The following SLF2 variants were observed in gnomAD, a reference collection of about 807,000 sequenced individuals.
SLF2 encodes the protein SMC5/6 complex localization factor 2.
SLF2 carries 68 observed loss-of-function variants against 124.3 expected under a neutral mutation model. The ratio of observed to expected loss-of-function variants is 0.55; its 90% CI spans 0.45 to 0.67. SLF2 has a LOEUF of 0.67. Ranked by LOEUF, SLF2 falls within the 30% of genes least tolerant of loss-of-function variation. The pLI, the probability that SLF2 is intolerant of heterozygous loss-of-function variation, is 0.00. For synonymous variants in SLF2, 480 were observed against 478.8 expected (o/e 1.00, Z -0.03); for missense variants, 1,246 against 1,373.7 (o/e 0.91, Z 1.47).
chr10:100,919,497 T>C (rs1849486297), intron 4 of SLF2, among the ~76,000 whole-genome samples: 2 of 145,998 alleles, frequency 1.4e-5, no homozygotes, highest in Non-Finnish European at 1.5e-5. Context: ...TTTGTACTTT[T>C]AGCATTTATT....
intron 11 of SLF2, 108 bp downstream of exon 11, chr10:100,938,844 A>T (rs927585456): frequency 6.7e-6 from 7 of 1,047,344 alleles, no homozygotes; most frequent in Non-Finnish European, 9.2e-6. Context: ...AGATCTCTCA[A>T]AGTTGAGATC....
At chr10:100,944,406 A>G (rs1355490336) in intron 12 of SLF2, among the ~76,000 whole-genome samples, 1 of 150,710 alleles carries the variant, frequency 6.6e-6, no homozygotes, top group Non-Finnish European at 1.5e-5. Context: ...GAGGCAGGAG[A>G]ATGGCGTGAA....
At chr10:100,921,081 G>A (rs1849516826) in intron 4 of SLF2, among the ~76,000 whole-genome samples, 3 of 152,200 alleles carry the variant, frequency 2.0e-5, no homozygotes, top group African/African-American at 7.2e-5. Context: ...AGGGATTTCA[G>A]AAGTAATGTT....
At chr10:100,953,735 C>G (rs529516224) in intron 17 of SLF2, among the ~76,000 whole-genome samples, 68 of 152,194 alleles carry the variant, frequency 4.5e-4, no homozygotes, top group African/African-American at 1.6e-3. Context: ...TCACTGCAAC[C>G]TCCGTCTCTT....
At chr10:100,937,353 T>A in intron 9 of SLF2, 49 bp from the exon 10 acceptor site, 6 of 1,398,174 alleles carry the variant, frequency 4.3e-6, no homozygotes, top group Non-Finnish European at 6.1e-6. Flanking sequence ...TAATGAATGT[T>A]TGTGTTTTCT....
At chr10:100,921,955 A>G (rs1267681268) in intron 4 of SLF2, among the ~76,000 whole-genome samples, 1 of 152,262 alleles carries the variant, frequency 6.6e-6, no homozygotes, top group Non-Finnish European at 1.5e-5. Flanking sequence ...TATCTGTAAA[A>G]GAGCAGAGAT....
At chr10:100,953,909 C>T (rs1265380484) in intron 17 of SLF2, among the ~76,000 whole-genome samples, 1 of 152,056 alleles carries the variant, frequency 6.6e-6, no homozygotes, top group Non-Finnish European at 1.5e-5. Context: ...GCCTCAGCCT[C>T]CCAAAGTGCT....
At position 100,913,020 on chromosome 10, in the gene SLF2, G is replaced by A; in HGVS notation, c.-91G>A. ...AGGGGGTGCCGCCCACCTCTGCTCC[G>A]ACAGCCTCCCGGAGTCCCAGCAGCA... is the stretch of plus-strand genomic sequence containing the variant. On this transcript the variant is annotated 5_prime_UTR_variant, in exon 1 of 20. Coordinates refer to ENST00000238961, the MANE Select transcript of SLF2 (RefSeq NM_018121.4). 1.4e-6 allele frequency: 2 copies of A among 1,454,704 alleles called. No homozygotes were observed. The highest frequency in any genetic ancestry group is 1.9e-6 in the Non-Finnish European group (2 of 1,063,580). The allele number at this position is 1,454,704 out of a possible 1,614,324, so 90.1% of individuals were successfully genotyped here.
intron 1 of SLF2, chr10:100,913,968 C>A: frequency 1.3e-6 from 1 of 770,944 alleles, no homozygotes; most frequent in Non-Finnish European, 1.6e-6. Context: ...GTGGTACAGG[C>A]CCACAATCCC....
intron 1 of SLF2, chr10:100,913,730 C>T: frequency 1.0e-6 from 1 of 989,432 alleles, no homozygotes; most frequent in Non-Finnish European, 1.2e-6. Flanking sequence ...CTTAAAAGAA[C>T]TTGCAGATTT....
At chr10:100,952,101 G>A (rs980848731) in intron 17 of SLF2, among the ~76,000 whole-genome samples, 9 of 150,930 alleles carry the variant, frequency 6.0e-5, no homozygotes, top group East Asian at 2.0e-4. Context: ...AAAGTTAGCC[G>A]GGCGTGTTGG....
chr10:100,915,901 A>T (rs1269677676), intron 1 of SLF2, 98 bp from the exon 2 acceptor site: 1 of 972,480 alleles, frequency 1.0e-6, no homozygotes, highest in African/African-American at 1.6e-5. Flanking sequence ...CAAATAGTGA[A>T]ATCCAGCCTT....
intron 8 of SLF2, among the ~76,000 whole-genome samples, chr10:100,930,697 C>A (rs1288735940): frequency 1.2e-4 from 19 of 152,194 alleles, no homozygotes; most frequent in Admixed American, 1.2e-3. Context: ...AGTACTTCCC[C>A]AGTCTGAGAC....
Position 100,962,590 on chromosome 10 carries a change from G to A in SLF2, c.*678G>A, listed in dbSNP as rs919139291. 2.6e-5 allele frequency: 4 copies of A among 152,736 alleles called. No homozygotes were observed. In the East Asian group the frequency reaches 7.7e-4, roughly 29 times the overall value. The allele number at this position is 152,736 out of a possible 1,614,324, so 9.5% of individuals were successfully genotyped here. ...TAAGAGGAAGAGGTTAAGCTGTAAAGTAGTGGCCCTGTTTTGATGCCAGAA... is the reference window on the plus strand; with the variant it reads ...TAAGAGGAAGAGGTTAAGCTGTAAAATAGTGGCCCTGTTTTGATGCCAGAA... On this transcript the variant is annotated 3_prime_UTR_variant, in exon 20 of 20. Coordinates refer to ENST00000238961, the MANE Select transcript of SLF2 (RefSeq NM_018121.4).
rs1849590138 is a variant in SLF2 at position 100,925,044 on chromosome 10, T to C, written c.1971+72T>C. On this transcript the variant is annotated intron_variant, in intron 5 of 19. Transcript: ENST00000238961. ...ATTAATTAGTGAAAGGGGTGGATTA[T>C]CGGAACTTACTTTAAAATTTAGTAT... 5 of 1,427,508 alleles carry C rather than the reference T, an allele frequency of 3.5e-6. No homozygotes were observed. In the South Asian group the frequency reaches 7.0e-5, roughly 20 times the overall value. The allele number at this position is 1,427,508 out of a possible 1,614,324, so 88.4% of individuals were successfully genotyped here.
In SLF2 at chr10:100,938,741, G is replaced by A. The variant is rs1849912070; in HGVS notation, c.2654+5G>A. On this transcript the variant is annotated splice_donor_5th_base_variant and intron_variant, in intron 11 of 19. Coordinates refer to ENST00000238961, the MANE Select transcript of SLF2 (RefSeq NM_018121.4). ...CTTTAATGAAGACTATCTAGTGTAAGTTTTCTCATCATAATTAACGCCAAA... is the reference window on the plus strand; with the variant it reads ...CTTTAATGAAGACTATCTAGTGTAAATTTTCTCATCATAATTAACGCCAAA... The A allele has an allele frequency of 6.3e-7, 1 of 1,590,676 alleles. No homozygotes were observed. Among genetic ancestry groups the A allele is most frequent in the Non-Finnish European group, 8.5e-7 (1 of 1,171,534 alleles).
chr10:100,941,587 A>G (rs951934229), intron 11 of SLF2, among the ~76,000 whole-genome samples: 8 of 152,026 alleles, frequency 5.3e-5, no homozygotes, highest in Admixed American at 3.9e-4. Flanking sequence ...CTCGCTCTCT[A>G]CTATTCTCAA....
In SLF2 at chr10:100,963,833, CCAT is replaced by C. The variant is rs746195295; in HGVS notation, c.*1924_*1926del. 4.6e-5 allele frequency: 7 copies of C among 152,100 alleles called. No homozygotes were observed. The highest frequency in any genetic ancestry group is 7.3e-5 in the African/African-American group (3 of 41,256). 9.4% of individuals were successfully genotyped at this position (152,100 alleles called of 1,614,324 possible). A position where few individuals can be genotyped will look rare whatever the true frequency, so the allele number is the denominator to read the frequency against. ...TATTGCAGTTTCAACAGATAACTGT[CCAT>C]CAAATTTAAAACCACTTTGATACAT... On this transcript the variant is annotated 3_prime_UTR_variant, in exon 20 of 20. Coordinates refer to ENST00000238961, the MANE Select transcript of SLF2 (RefSeq NM_018121.4).
At chr10:100,949,262 C>G (rs145732832) in intron 15 of SLF2, among the ~76,000 whole-genome samples, 1 of 152,142 alleles carries the variant, frequency 6.6e-6, no homozygotes, top group African/African-American at 2.4e-5. Context: ...AAAAGAGATC[C>G]GGGGATAGGA....
Sources: allele counts gnomAD v4.1 joint callset (sites outside exome capture counted in the v4.1 genomes callset), GRCh38; gene constraint gnomAD v4.1.1; transcripts MANE v1.5; gene names NCBI Gene and HGNC (gene_info 2026-07-23, HGNC 2026-07-21).